The following DMTN variants were observed in gnomAD, a reference collection of about 807,000 sequenced individuals.
DMTN encodes the protein dematin.
In DMTN, 27 loss-of-function variants were observed where a neutral mutation model predicts 59.4. That is an observed-to-expected ratio of 0.45 (90% CI 0.33 to 0.63). The LOEUF (loss-of-function observed/expected upper bound fraction) is 0.63. Among genes scored for constraint, DMTN ranks in the 20% least tolerant of loss-of-function variants. The pLI, the probability that DMTN is intolerant of heterozygous loss-of-function variation, is 0.02. For missense variants in DMTN, 451 were observed against 528.9 expected, an observed-to-expected ratio of 0.85 and a Z score of 1.45; for synonymous variants, 221 against 203.7, an observed-to-expected ratio of 1.08 and a Z score of -0.72.
In DMTN at chr8:22,077,879, G is replaced by A. The variant is rs190201364; in HGVS notation, c.836-2301G>A. ...AAGTAATTTGGAGGGGAAAATCTTC[G>A]TGCAGGGTTTGAAGGTTGAAATTCT... On this transcript the variant is annotated intron_variant, in intron 10 of 15. Coordinates refer to ENST00000358242, the MANE Select transcript of DMTN (RefSeq NM_001387751.1). 1.4e-4 allele frequency among the ~76,000 whole-genome samples: 21 copies of A among 152,244 alleles called. No individual in the cohort carries two copies. In the East Asian group the frequency reaches 2.1e-3, roughly 15 times the overall value.
chr8:22,080,920 G>T (rs1823855011), intron 14 of DMTN, 50 bp downstream of exon 14: 1 of 1,527,108 alleles, frequency 6.5e-7, no homozygotes, highest in Non-Finnish European at 8.8e-7. Flanking sequence ...AGGCTGGGGA[G>T]ATGCCAGGCA....
intron 4 of DMTN, among the ~76,000 whole-genome samples, chr8:22,068,394 A>G (rs1359901725): frequency 6.6e-6 from 1 of 152,188 alleles, no homozygotes; most frequent in Admixed American, 6.5e-5. Context: ...CAGGCAACAC[A>G]GGGAGACCCC....
chr8:22,055,144 C>T (rs1801984695), upstream of DMTN: 1 of 152,646 alleles, frequency 6.6e-6, no homozygotes, highest in Admixed American at 6.5e-5. Context: ...TCCTCATCAC[C>T]CACCTCGTTC....
chr8:22,073,887 ACT>A (rs769025347), intron 10 of DMTN, 52 bp downstream of exon 10: 17 of 1,466,900 alleles, frequency 1.2e-5, no homozygotes, highest in Non-Finnish European at 1.6e-5. Flanking sequence ...TGGAGGCCTG[ACT>A]CTGTGCATCT....
In DMTN at chr8:22,080,416, A is replaced by C. The variant is rs570971383; in HGVS notation, c.905A>C (p.Gln302Pro). The change falls in exon 12 of 16, where the codon CAG (glutamine) becomes CCG (proline). Residue 302 changes from glutamine to proline, a missense_variant. Coordinates refer to ENST00000358242, the MANE Select transcript of DMTN (RefSeq NM_001387751.1). ...ATTCCTTTGTGTCCTTTCTAGCTAC[A>C]GTCCACAGAGTTCAGCCCATCAGGG... is the stretch of plus-strand genomic sequence containing the variant. Reference protein sequence around the residue: ...AYGRTTLSRLQSTEFSPSGSE... With the variant: ...AYGRTTLSRLPSTEFSPSGSE... 1 of 1,614,262 alleles carries C rather than the reference A, an allele frequency of 6.2e-7. No individual in the cohort carries two copies. Among genetic ancestry groups the C allele is most frequent in the African/African-American group, 1.3e-5 (1 of 75,064 alleles).
upstream of DMTN, among the ~76,000 whole-genome samples, chr8:22,050,740 G>A (rs1397088973): frequency 1.3e-5 from 2 of 151,986 alleles, no homozygotes; most frequent in Middle Eastern, 6.8e-3. Flanking sequence ...TCCAGCGCCT[G>A]CTCCCGCCCT....
At chr8:22,063,844 C>G (rs968806925) in intron 1 of DMTN, among the ~76,000 whole-genome samples, 1 of 152,184 alleles carries the variant, frequency 6.6e-6, no homozygotes, top group Non-Finnish European at 1.5e-5. Flanking sequence ...AGGTAATTTT[C>G]TGCTTTGCAT....
rs1811468159 is a variant in DMTN, at chr8:22,067,226, G to C, written c.93+67G>C. ...GGGGGAGGGTGGGGGACCCCTGGCTGCTAGCGTGCCTTCCCGCAGAGCCTC... is the reference window on the plus strand; with the variant it reads ...GGGGGAGGGTGGGGGACCCCTGGCTCCTAGCGTGCCTTCCCGCAGAGCCTC... On this transcript the variant is annotated intron_variant, in intron 3 of 15. Transcript: ENST00000358242. 5.9e-6 allele frequency: 9 copies of C among 1,537,528 alleles called. No homozygotes were observed. In the African/African-American group the frequency reaches 6.9e-5, roughly 12 times the overall value.
intron 10 of DMTN, among the ~76,000 whole-genome samples, chr8:22,079,263 TAAATAAATAAATAA>T (rs1822168278): frequency 9.1e-5 from 3 of 32,976 alleles, no homozygotes; most frequent in African/African-American, 3.0e-4. Flanking sequence ...TAAAAATAAA[TAAATAAATAAATAA>T]ATATATATAT....
intron 8 of DMTN, among the ~76,000 whole-genome samples, chr8:22,071,497 C>T (rs1432244156): frequency 2.0e-5 from 3 of 152,008 alleles, no homozygotes; most frequent in East Asian, 1.9e-4. Flanking sequence ...TGAGTTCAAG[C>T]GATTTTCCTG....
chr8:22,054,579 C>T (rs1287415747), upstream of DMTN, among the ~76,000 whole-genome samples: 1 of 152,190 alleles, frequency 6.6e-6, no homozygotes, highest in African/African-American at 2.4e-5. Flanking sequence ...GAGCTCCACA[C>T]TGGGCTTCCT....
At chr8:22,062,850 C>G (rs961680643) in intron 1 of DMTN, among the ~76,000 whole-genome samples, 2 of 141,880 alleles carry the variant, frequency 1.4e-5, no homozygotes, top group Non-Finnish European at 3.1e-5. Flanking sequence ...TGCACATTTA[C>G]TGTGTATCAG....
upstream of DMTN, chr8:22,054,736 A>T (rs1352744376): frequency 6.5e-6 from 1 of 152,776 alleles, no homozygotes; most frequent in Admixed American, 6.5e-5. Context: ...GGTGGGGTTC[A>T]CTGGGCACCC....
chr8:22,072,754 C>A (rs939153436), intron 9 of DMTN, among the ~76,000 whole-genome samples: 2 of 151,776 alleles, frequency 1.3e-5, no homozygotes. Context: ...GAATTACAGG[C>A]GTGAGCCACT....
rs1001449511 is a variant in DMTN at position 22,069,499 on chromosome 8, G to A, written c.375G>A (p.Leu125=). The change falls in exon 6 of 16, where the codon CTG becomes CTA. Residue 125 remains leucine, a synonymous_variant. Transcript: ENST00000358242. Reference sequence around the variant, plus strand: ...CCACTGGAACCCCCCGGACCAGCCTGCCCCATTTCCACCACCCTGGTAGGT... The same window carrying A: ...CCACTGGAACCCCCCGGACCAGCCTACCCCATTTCCACCACCCTGGTAGGT... ...PRTTGTPRTS[L]PHFHHPETSR... 17 of 1,602,470 alleles carry A rather than the reference G, an allele frequency of 1.1e-5. No homozygotes were observed. Among genetic ancestry groups the A allele is most frequent in the Non-Finnish European group, 1.2e-5 (14 of 1,175,298 alleles).
rs1478207207 is a variant in DMTN, at chr8:22,066,845, C to T, written c.-31C>T. ...CTCTCCCCTCGCGCACAGGGCTCTG[C>T]GAGTGACCCGGCGGGCGAGCTCCGT... On this transcript the variant is annotated 5_prime_UTR_variant, in exon 2 of 16. Coordinates refer to ENST00000358242, the MANE Select transcript of DMTN (RefSeq NM_001387751.1). The T allele has an allele frequency of 1.4e-6, 2 of 1,414,682 alleles. No individual in the cohort carries two copies. Among genetic ancestry groups the T allele is most frequent in the Admixed American group, 2.7e-5 (1 of 37,492 alleles). 87.6% of individuals were successfully genotyped at this position (1,414,682 alleles called of 1,614,324 possible).
chr8:22,072,864 T>C (rs1482603874), intron 9 of DMTN, among the ~76,000 whole-genome samples: 1 of 150,606 alleles, frequency 6.6e-6, no homozygotes, highest in African/African-American at 2.4e-5. Context: ...TTGGAACATG[T>C]TGGGGAGCCG....
upstream of DMTN, chr8:22,054,920 G>A (rs923350386): frequency 6.5e-5 from 10 of 152,790 alleles, no homozygotes; most frequent in African/African-American, 2.4e-4. Context: ...TTGGCAACAG[G>A]AGGTGGAGAG....
At chr8:22,063,307 G>A (rs2130715241) in intron 1 of DMTN, among the ~76,000 whole-genome samples, 1 of 152,226 alleles carries the variant, frequency 6.6e-6, no homozygotes, top group South Asian at 2.1e-4. Context: ...TCTTTACAGT[G>A]CCCTGCTGAA....
Sources: gnomAD v4.1 joint callset for allele counts (sites outside exome capture counted in the v4.1 genomes callset) on GRCh38, gnomAD v4.1.1 for gene constraint, MANE v1.5 for transcripts, NCBI Gene and HGNC (gene_info 2026-07-23, HGNC 2026-07-21) for gene names.